The following USP32 variants were observed in gnomAD, a reference collection of about 807,000 sequenced individuals.
USP32 encodes ubiquitin carboxyl-terminal hydrolase 32.
USP32 carries 59 observed loss-of-function variants against 204.8 expected under a neutral mutation model. The observed-to-expected ratio is 0.29, with a 90% CI of 0.23 to 0.36. The LOEUF (loss-of-function observed/expected upper bound fraction) is 0.36. Ranked by LOEUF, USP32 falls within the 10% of genes least tolerant of loss-of-function variation. The probability of loss-of-function intolerance (pLI) is 1.00; values close to 1 mark genes in which losing one functional copy is unlikely to be tolerated. For missense variants in USP32, 1,160 were observed against 1,946.4 expected, an observed-to-expected ratio of 0.60 and a Z score of 7.60; for synonymous variants, 517 against 678.4, an observed-to-expected ratio of 0.76 and a Z score of 3.70.
chr17:60,322,537 A>C (rs2088139163), intron 2 of USP32, among the ~76,000 whole-genome samples: 1 of 152,186 alleles, frequency 6.6e-6, no homozygotes, highest in Non-Finnish European at 1.5e-5. Flanking sequence ...AATTTCAGAA[A>C]AGTTCTGATG....
chr17:60,408,789 T>C (rs138068480), intron 1 of USP32, among the ~76,000 whole-genome samples: 1 of 152,224 alleles, frequency 6.6e-6, no homozygotes, highest in East Asian at 1.9e-4. Flanking sequence ...CATGCAACGA[T>C]AGGGGGAATC....
At chr17:60,300,799 T>C (rs2145888452) in intron 3 of USP32, among the ~76,000 whole-genome samples, 1 of 152,340 alleles carries the variant, frequency 6.6e-6, no homozygotes, top group South Asian at 2.1e-4. Context: ...CAGAACATTT[T>C]CGCCAACCCA....
chr17:60,258,399 G>A (rs772926400), intron 9 of USP32: 1 of 171,206 alleles, frequency 5.8e-6, no homozygotes, highest in Non-Finnish European at 1.4e-5. Flanking sequence ...AGAAGAAAGG[G>A]AAGGTCTTTT....
chr17:60,378,812 T>C (rs7208036), intron 1 of USP32, among the ~76,000 whole-genome samples: 5,369 of 152,174 alleles, frequency 0.035, 313 homozygotes, highest in African/African-American at 0.12. Flanking sequence ...TTTGGGATGA[T>C]GAACAAGTTC....
At chr17:60,367,227 G>A (rs2089335180) in intron 1 of USP32, among the ~76,000 whole-genome samples, 1 of 152,198 alleles carries the variant, frequency 6.6e-6, no homozygotes, top group Admixed American at 6.5e-5. Flanking sequence ...AATATTCAGA[G>A]GTCGGGAGTG....
In USP32 at chr17:60,362,726, C is replaced by T. The variant is rs550807614; in HGVS notation, c.59-17118G>A. Among the ~76,000 whole-genome samples the T allele has an allele frequency of 5.3e-5, 8 of 152,050 alleles. No individual in the cohort carries two copies. The East Asian group carries it at 1.3e-3, about 26-fold the overall frequency. On this transcript the variant is annotated intron_variant, in intron 1 of 33. Transcript: ENST00000300896. ...TTCCAGCAGTTTCTCGAATCAAATA[C>T]ACAATTTATCATTCTCCTGGTTCAC...
At chr17:60,322,304 C>T (rs745399940) in intron 2 of USP32, among the ~76,000 whole-genome samples, 1 of 152,076 alleles carries the variant, frequency 6.6e-6, no homozygotes, top group East Asian at 1.9e-4. Context: ...TACCACTATG[C>T]CTGGCTCCCT....
chr17:60,359,204 A>T (rs182328133), intron 1 of USP32, among the ~76,000 whole-genome samples: 1 of 152,158 alleles, frequency 6.6e-6, no homozygotes, highest in African/African-American at 2.4e-5. Context: ...CTCCTACAAA[A>T]TAACTTTCCT....
chr17:60,198,250 C>A lies in USP32; in HGVS notation c.3434+10G>T. On this transcript the variant is annotated intron_variant, in intron 27 of 33. Coordinates refer to ENST00000300896, the MANE Select transcript of USP32 (RefSeq NM_032582.4). Reference sequence around the variant, plus strand: ...GAAACCACAGGTTTAGATGGATCCCCTGAACTCACCAATCCTGGGCATGAT... The same window carrying A: ...GAAACCACAGGTTTAGATGGATCCCATGAACTCACCAATCCTGGGCATGAT... The A allele has an allele frequency of 3.1e-6, 5 of 1,613,634 alleles. No individual in the cohort carries two copies. Among genetic ancestry groups the A allele is most frequent in the Non-Finnish European group, 4.2e-6 (5 of 1,179,782 alleles).
chr17:60,179,159 C>T lies in USP32; in HGVS notation c.*96G>A. The T allele has an allele frequency of 7.3e-7, 1 of 1,376,714 alleles. No homozygotes were observed. The highest frequency in any genetic ancestry group is 1.4e-5 in the African/African-American group (1 of 69,124). 85.3% of individuals were successfully genotyped at this position (1,376,714 alleles called of 1,614,324 possible). ...TCAGGGCCACAGGATAAAATAACTA[C>T]ATTTAGCTTGCCTTTCAGTGACGCT... On this transcript the variant is annotated 3_prime_UTR_variant, in exon 34 of 34. Coordinates refer to ENST00000300896, the MANE Select transcript of USP32 (RefSeq NM_032582.4).
intron 1 of USP32, among the ~76,000 whole-genome samples, chr17:60,384,879 G>A (rs959763484): frequency 3.9e-5 from 6 of 151,936 alleles, no homozygotes; most frequent in African/African-American, 1.2e-4. Context: ...AGGTGGAGGC[G>A]GGTGGATCAT....
intron 11 of USP32, among the ~76,000 whole-genome samples, chr17:60,236,503 T>A (rs539476569): frequency 1.4e-5 from 2 of 143,916 alleles, no homozygotes; most frequent in South Asian, 4.2e-4. Context: ...GAAAAACAAC[T>A]GGTGTTTCCA....
intron 3 of USP32, among the ~76,000 whole-genome samples, chr17:60,300,077 T>A (rs1197741349): frequency 6.6e-6 from 1 of 152,126 alleles, no homozygotes; most frequent in Non-Finnish European, 1.5e-5. Flanking sequence ...ACACAAATAT[T>A]CAGACCATAG....
At chr17:60,397,393 C>CT (rs1285590819) in intron 1 of USP32, among the ~76,000 whole-genome samples, 1 of 152,140 alleles carries the variant, frequency 6.6e-6, no homozygotes, top group Non-Finnish European at 1.5e-5. Context: ...CACAGCGTCT[C>CT]TCTCTATCAC....
chr17:60,366,765 TG>T (rs1474416023), intron 1 of USP32, among the ~76,000 whole-genome samples: 1 of 151,806 alleles, frequency 6.6e-6, no homozygotes, highest in East Asian at 1.9e-4. Flanking sequence ...TTTTTCATGC[TG>T]CTTTTCTTGA....
At chr17:60,235,666 T>C (rs1164369354) in intron 12 of USP32, among the ~76,000 whole-genome samples, 2 of 152,180 alleles carry the variant, frequency 1.3e-5, no homozygotes, top group African/African-American at 4.8e-5. Context: ...TCCATTTTAA[T>C]GGAAAAGGTA....
chr17:60,290,735 C>T (rs117623174), intron 4 of USP32, among the ~76,000 whole-genome samples: 219 of 151,556 alleles, frequency 1.4e-3, no homozygotes, highest in Non-Finnish European at 2.6e-3. Context: ...TAGATAGCCT[C>T]AGGATGGGGG....
chr17:60,365,203 G>A lies in USP32; in HGVS notation c.59-19595C>T, dbSNP rs531554011. ...CTTTAAAAATGACCATGTTTTAGCC[G>A]GGTGCGGTGGCTCATACCTGTAATC... On this transcript the variant is annotated intron_variant, in intron 1 of 33. Transcript: ENST00000300896. 2.6e-5 allele frequency among the ~76,000 whole-genome samples: 4 copies of A among 152,088 alleles called. No individual in the cohort carries two copies. In the East Asian group the frequency reaches 5.8e-4, roughly 22 times the overall value.
intron 1 of USP32, among the ~76,000 whole-genome samples, chr17:60,385,033 G>T (rs1477838112): frequency 6.6e-6 from 1 of 152,210 alleles, no homozygotes; most frequent in Non-Finnish European, 1.5e-5. Context: ...AATACATTCA[G>T]ATGGCCTGAA....
Sources: allele counts gnomAD v4.1 joint callset (sites outside exome capture counted in the v4.1 genomes callset), GRCh38; gene constraint gnomAD v4.1.1; transcripts MANE v1.5; gene names NCBI Gene and HGNC (gene_info 2026-07-23, HGNC 2026-07-21).